DAB1: variants seen among roughly 807,000 people sequenced by gnomAD.
The protein encoded by DAB1 is disabled homolog 1.
DAB1 carries 15 observed loss-of-function variants against 64.6 expected under a neutral mutation model. The observed-to-expected ratio is 0.23, with a 90% CI of 0.16 to 0.36. The LOEUF (loss-of-function observed/expected upper bound fraction) is 0.36, where lower values mean the gene tolerates loss of function less well. Ranked by LOEUF, DAB1 falls within the 10% of genes least tolerant of loss-of-function variation. The probability of loss-of-function intolerance (pLI) is 1.00; values close to 1 mark genes in which losing one functional copy is unlikely to be tolerated. For synonymous variants in DAB1, 235 were observed against 251.9 expected (o/e 0.93, Z 0.64); for missense variants, 596 against 706.7 (o/e 0.84, Z 1.78).
chr1:58,469,770 C>T (rs1042760895), intron 3 of DAB1, among the ~76,000 whole-genome samples: 2 of 152,176 alleles, frequency 1.3e-5, no homozygotes, highest in Non-Finnish European at 2.9e-5. Flanking sequence ...CTCTCTCTGC[C>T]GGAGCCATTT....
intron 4 of DAB1, among the ~76,000 whole-genome samples, chr1:58,284,758 G>T (rs1661644067): frequency 1.3e-5 from 2 of 152,170 alleles, no homozygotes; most frequent in African/African-American, 4.8e-5. Flanking sequence ...AATAATATGA[G>T]ATCTATATAA....
At chr1:58,042,699 C>G (rs1039404167) in intron 5 of DAB1, among the ~76,000 whole-genome samples, 4 of 152,146 alleles carry the variant, frequency 2.6e-5, no homozygotes, top group African/African-American at 9.7e-5. Flanking sequence ...CGCATGGAAG[C>G]ATAAAAGAGC....
chr1:58,379,532 A>T (rs1354961919), intron 3 of DAB1, among the ~76,000 whole-genome samples: 8 of 152,252 alleles, frequency 5.3e-5, no homozygotes, highest in Admixed American at 1.3e-4. Context: ...TTCAAAGTTA[A>T]CATTATTTCT....
intron 7 of DAB1, among the ~76,000 whole-genome samples, chr1:57,467,934 C>T (rs1687009266): frequency 6.6e-6 from 1 of 152,122 alleles, no homozygotes; most frequent in African/African-American, 2.4e-5. Flanking sequence ...TTATTGAGTT[C>T]CCACTATTTA....
At chr1:57,609,159 C>A (rs1645695537) in intron 7 of DAB1, among the ~76,000 whole-genome samples, 1 of 152,082 alleles carries the variant, frequency 6.6e-6, no homozygotes, top group African/African-American at 2.4e-5. Context: ...AGGCTGGAAG[C>A]TTTCCTGAAA....
intron 1 of DAB1, among the ~76,000 whole-genome samples, chr1:57,347,070 G>C (rs1196024229): frequency 6.6e-6 from 1 of 152,204 alleles, no homozygotes; most frequent in African/African-American, 2.4e-5. Context: ...AGGAAGGAGA[G>C]ATTGTGATTA....
intron 4 of DAB1, among the ~76,000 whole-genome samples, chr1:57,077,072 G>C (rs1486763681): frequency 6.6e-6 from 1 of 152,142 alleles, no homozygotes; most frequent in Non-Finnish European, 1.5e-5. Context: ...CATAGGCTTG[G>C]GGCAGGAATG....
At chr1:57,799,538 G>A (rs1385864578) in intron 6 of DAB1, among the ~76,000 whole-genome samples, 1 of 143,370 alleles carries the variant, frequency 7.0e-6, no homozygotes, top group Admixed American at 7.2e-5. Flanking sequence ...AGGCAATATA[G>A]AGTCATTGAA....
chr1:57,794,043 C>A (rs917072725), intron 6 of DAB1, among the ~76,000 whole-genome samples: 2 of 152,088 alleles, frequency 1.3e-5, no homozygotes, highest in African/African-American at 4.8e-5. Flanking sequence ...TTGATCTTGC[C>A]CCATGGTGAT....
intron 3 of DAB1, among the ~76,000 whole-genome samples, chr1:58,458,058 C>T (rs1035271909): frequency 1.3e-5 from 2 of 152,230 alleles, no homozygotes; most frequent in Non-Finnish European, 2.9e-5. Flanking sequence ...TCCAAACAGG[C>T]ATGTCCCCTG....
intron 5 of DAB1, among the ~76,000 whole-genome samples, chr1:58,053,680 A>G (rs1297580468): frequency 6.6e-6 from 1 of 152,256 alleles, no homozygotes; most frequent in Non-Finnish European, 1.5e-5. Context: ...TGTCTTGGAA[A>G]TATAGTAAAG....
intron 3 of DAB1, among the ~76,000 whole-genome samples, chr1:58,496,169 CT>C (rs375006213): frequency 1.6e-3 from 226 of 144,552 alleles, no homozygotes; most frequent in Admixed American, 2.1e-3. Flanking sequence ...TTTTTTTAGA[CT>C]TTTTTTTTTT....
chr1:58,534,239 A>G (rs776863178), intron 1 of DAB1: 49 of 871,898 alleles, frequency 5.6e-5, no homozygotes, highest in Non-Finnish European at 8.0e-6. Context: ...GAACATCTTT[A>G]TTGCATTCAA....
chr1:57,967,887 CTT>C (rs1557584986), intron 5 of DAB1, among the ~76,000 whole-genome samples: 1 of 152,262 alleles, frequency 6.6e-6, no homozygotes, highest in South Asian at 2.1e-4. Context: ...AGCTCTGACA[CTT>C]AGCTGTGGGA....
chr1:58,108,271 A>G (rs753403826), intron 5 of DAB1, among the ~76,000 whole-genome samples: 30 of 152,142 alleles, frequency 2.0e-4, no homozygotes, highest in Non-Finnish European at 4.0e-4. Context: ...CAGGTGTGAG[A>G]TGAGGGTGAA....
chr1:57,006,549 A>T (rs1646075066), intron 14 of DAB1, among the ~76,000 whole-genome samples: 1 of 152,146 alleles, frequency 6.6e-6, no homozygotes, highest in East Asian at 1.9e-4. Flanking sequence ...GCCCTTAGCT[A>T]GACCCTGGTC....
Position 56,996,791 on chromosome 1 carries a change from C to T in DAB1, c.*1353G>A, listed in dbSNP as rs1202780041. 6.6e-6 allele frequency: 1 copy of T among 152,202 alleles called. No individual in the cohort carries two copies. The highest frequency in any genetic ancestry group is 2.4e-5 in the African/African-American group (1 of 41,418). The allele number at this position is 152,202 out of a possible 1,614,324, so 9.4% of individuals were successfully genotyped here. A position where few individuals can be genotyped will look rare whatever the true frequency, so the allele number is the denominator to read the frequency against. ...CGTCTGGAAAGTGAGCCCCATCCAT[C>T]AAGTTTGTCACACCTTGCACTCAAT... On this transcript the variant is annotated 3_prime_UTR_variant, in exon 15 of 15. Transcript: ENST00000371236.
intron 5 of DAB1, among the ~76,000 whole-genome samples, chr1:58,062,848 A>T (rs1648589321): frequency 6.6e-6 from 1 of 152,240 alleles, no homozygotes; most frequent in African/African-American, 2.4e-5. Flanking sequence ...GTCATTTGCA[A>T]GAAATGTCAA....
At chr1:58,141,080 G>A (rs1255746134) in intron 5 of DAB1, among the ~76,000 whole-genome samples, 1 of 152,154 alleles carries the variant, frequency 6.6e-6, no homozygotes, top group Non-Finnish European at 1.5e-5. Flanking sequence ...TACTCATAGA[G>A]GAAGGTGAAG....
Sources: gnomAD v4.1 joint callset for allele counts (sites outside exome capture counted in the v4.1 genomes callset) on GRCh38, gnomAD v4.1.1 for gene constraint, MANE v1.5 for transcripts, NCBI Gene and HGNC (gene_info 2026-07-23, HGNC 2026-07-21) for gene names.